The following SLC9A6 variants were observed in gnomAD, a reference collection of about 807,000 sequenced individuals.
SLC9A6 encodes solute carrier family 9 member A6.
Under a neutral mutation model 45.3 loss-of-function variants are expected in SLC9A6, and 6 were observed. The observed-to-expected ratio is 0.13, with a 90% CI of 0.07 to 0.26. The LOEUF (loss-of-function observed/expected upper bound fraction) is 0.26, where lower values mean the gene tolerates loss of function less well. Among genes scored for constraint, SLC9A6 ranks in the 10% least tolerant of loss-of-function variants. The pLI, the probability that SLC9A6 is intolerant of heterozygous loss-of-function variation, is 1.00. For missense variants in SLC9A6, 278 were observed against 503.7 expected (o/e 0.55, Z 4.29); for synonymous variants, 191 against 187.7 (o/e 1.02, Z -0.14).
chrX:136,000,018 T>C (rs1212994277), intron 6 of SLC9A6, among the ~76,000 whole-genome samples: 5 of 108,924 alleles, frequency 4.6e-5, no homozygotes, highest in African/African-American at 1.7e-4. Context: ...GAGGCCGAGA[T>C]GGTAGGATCA....
In SLC9A6 at chrX:136,030,151, C is replaced by A; in HGVS notation, c.1570C>A (p.Gln524Lys). 1 of 1,209,912 alleles carries A rather than the reference C, an allele frequency of 8.3e-7. No individual in the cohort carries two copies. The highest frequency in any genetic ancestry group is 1.1e-6 in the Non-Finnish European group (1 of 893,753). Residue 524 changes from glutamine (Q) to lysine (K), a missense_variant, in exon 15 of 18, where the codon CAA becomes AAA. By Grantham distance (53) the Gln-to-Lys change is moderately conservative. Transcript: ENST00000630721. ...ETDRVGVDSD[Q>K]EHLGVPENER... is the part of the protein sequence containing the mutation. ...CTTTAGGGTTGGTGTTGATTCAGAC[C>A]AAGAACACTTGGTAAATATGCGTTT...
intron 13 of SLC9A6, among the ~76,000 whole-genome samples, chrX:136,028,204 C>T (rs1372122151): frequency 8.9e-6 from 1 of 112,408 alleles, no homozygotes. Flanking sequence ...AAAAGCTTTT[C>T]ATACATTTTC....
chrX:135,986,076 A>C (rs1603185502), intron 2 of SLC9A6, among the ~76,000 whole-genome samples: 1 of 99,171 alleles, frequency 1.0e-5, no homozygotes, highest in African/African-American at 3.8e-5. Flanking sequence ...TTTCCTCCGC[A>C]CCCCCAGCCC....
intron 16 of SLC9A6, 97 bp downstream of exon 16, chrX:136,033,590 G>T: frequency 2.0e-6 from 1 of 500,544 alleles, no homozygotes; most frequent in Non-Finnish European, 3.4e-6. Context: ...TCCTGGAGCA[G>T]AATATAAAAC....
At chrX:136,044,083 T>A (rs986405204) in intron 17 of SLC9A6, among the ~76,000 whole-genome samples, 1 of 111,779 alleles carries the variant, frequency 8.9e-6, no homozygotes, top group South Asian at 3.7e-4. Context: ...GCTAACCTAG[T>A]CCTAGAAGCT....
intron 7 of SLC9A6, among the ~76,000 whole-genome samples, chrX:136,005,739 T>A (rs1221530603): frequency 4.5e-5 from 5 of 111,114 alleles, no homozygotes; most frequent in Non-Finnish European, 9.4e-5. Flanking sequence ...GGGCCATACT[T>A]CTTCTCTTGC....
intron 7 of SLC9A6, among the ~76,000 whole-genome samples, chrX:136,005,670 G>A (rs1224062572): frequency 5.8e-5 from 3 of 52,079 alleles, no homozygotes; most frequent in African/African-American, 2.2e-4. Context: ...AACGGAGCGA[G>A]ACTGTCTCAA....
At chrX:135,973,938 A>G (rs2089238734), upstream of SLC9A6, 3 of 1,121,158 alleles carry the variant, frequency 2.7e-6, no homozygotes, top group Non-Finnish European at 3.5e-6. Flanking sequence ...CCGGAGCCCA[A>G]CGGAGTCATA....
chrX:135,988,968 T>C (rs1556615321), intron 2 of SLC9A6, among the ~76,000 whole-genome samples: 1 of 110,684 alleles, frequency 9.0e-6, no homozygotes, highest in South Asian at 3.8e-4. Context: ...ATTTTTCTTA[T>C]AGCTCTCACA....
chrX:136,037,987 A>AT (rs1287431539), intron 16 of SLC9A6, among the ~76,000 whole-genome samples: 12 of 110,300 alleles, frequency 1.1e-4, no homozygotes, highest in Non-Finnish European at 1.3e-4. Context: ...ATGACTAATT[A>AT]TTTTTTTTTC....
intron 13 of SLC9A6, 34 bp downstream of exon 13, chrX:136,024,517 A>G (rs1450938617): frequency 8.8e-7 from 1 of 1,141,057 alleles, no homozygotes; most frequent in African/African-American, 1.8e-5. Context: ...TTTTAAGATT[A>G]AATTTTAATT....
At chrX:136,026,870 C>T (rs1008550523) in intron 13 of SLC9A6, among the ~76,000 whole-genome samples, 3 of 111,664 alleles carry the variant, frequency 2.7e-5, no homozygotes, top group African/African-American at 9.8e-5. Flanking sequence ...TTTTGCCCCC[C>T]GCCCAAGGGA....
chrX:136,014,811 T>G (rs184680869), intron 10 of SLC9A6, among the ~76,000 whole-genome samples: 45 of 112,706 alleles, frequency 4.0e-4, no homozygotes, highest in Non-Finnish European at 8.1e-4. Context: ...GGTAAGAGCT[T>G]CCAGTGTTGT....
intron 11 of SLC9A6, among the ~76,000 whole-genome samples, chrX:136,021,758 C>T (rs2071130247): frequency 8.9e-6 from 1 of 111,943 alleles, no homozygotes; most frequent in African/African-American, 3.2e-5. Context: ...AACTCCTGGC[C>T]TCAAGCTATC....
chrX:136,018,153 G>A (rs1556619519), intron 11 of SLC9A6, among the ~76,000 whole-genome samples: 1 of 112,128 alleles, frequency 8.9e-6, no homozygotes, highest in Non-Finnish European at 1.9e-5. Context: ...ACTACACAAG[G>A]GTGTGAATAC....
At chrX:135,995,783 G>A (rs2089488055) in intron 3 of SLC9A6, among the ~76,000 whole-genome samples, 1 of 110,886 alleles carries the variant, frequency 9.0e-6, no homozygotes, top group Admixed American at 9.7e-5. Flanking sequence ...AACTTCAGGG[G>A]CCCTAAGTGT....
At chrX:135,976,485 C>T (rs781864318) in intron 1 of SLC9A6, among the ~76,000 whole-genome samples, 163 of 109,839 alleles carry the variant, frequency 1.5e-3, no homozygotes, top group African/African-American at 5.0e-3. Flanking sequence ...CCCTGTAATT[C>T]CAGCTACTCA....
chrX:136,021,526 C>T (rs1364198144), intron 11 of SLC9A6, among the ~76,000 whole-genome samples: 1 of 112,275 alleles, frequency 8.9e-6, no homozygotes, highest in African/African-American at 3.2e-5. Flanking sequence ...ACACCATTCC[C>T]CCTACCTTGT....
rs1556623445 is a variant in SLC9A6, at chrX:136,045,591, A to C, written c.*867A>C. On this transcript the variant is annotated 3_prime_UTR_variant, in exon 18 of 18. Transcript: ENST00000630721. ...AAATATTCTATACCAGATAAGTTTAAATAAGAAATTTAATTGCTGCTTAAT... is the reference window on the plus strand; with the variant it reads ...AAATATTCTATACCAGATAAGTTTACATAAGAAATTTAATTGCTGCTTAAT... The C allele has an allele frequency of 8.9e-6, 1 of 112,266 alleles. No homozygotes were observed. The highest frequency in any genetic ancestry group is 1.9e-5 in the Non-Finnish European group (1 of 53,251). 9.3% of individuals were successfully genotyped at this position (112,266 alleles called of 1,213,427 possible).
Sources: gnomAD v4.1 joint callset for allele counts (sites outside exome capture counted in the v4.1 genomes callset) on GRCh38, gnomAD v4.1.1 for gene constraint, MANE v1.5 for transcripts, NCBI Gene and HGNC (gene_info 2026-07-23, HGNC 2026-07-21) for gene names.